MAGI1: variants seen among roughly 807,000 people sequenced by gnomAD.
MAGI1 encodes membrane associated guanylate kinase, WW and PDZ domain containing 1, also known as membrane-associated guanylate kinase, WW and PDZ domain-containing protein 1.
In MAGI1, 58 loss-of-function variants were observed where a neutral mutation model predicts 139.9. The ratio of observed to expected loss-of-function variants is 0.41; its 90% CI spans 0.34 to 0.52. MAGI1 has a LOEUF of 0.52. MAGI1 is among the 20% of genes least tolerant of loss of function. The pLI is 0.12. For synonymous variants in MAGI1, 812 were observed against 737.9 expected (o/e 1.10, Z -1.63); for missense variants, 1,874 against 1,901.6 (o/e 0.99, Z 0.27).
At chr3:65,857,188 G>T (rs1305308601) in intron 1 of MAGI1, among the ~76,000 whole-genome samples, 1 of 148,272 alleles carries the variant, frequency 6.7e-6, no homozygotes, top group Non-Finnish European at 1.5e-5. Flanking sequence ...ATTTAGAACA[G>T]GAAACAGAGC....
At chr3:65,648,253 T>C (rs1287371186) in intron 1 of MAGI1, among the ~76,000 whole-genome samples, 1 of 151,572 alleles carries the variant, frequency 6.6e-6, no homozygotes, top group Non-Finnish European at 1.5e-5. Context: ...CAAGCAATCC[T>C]CCCACCTCAG....
chr3:65,539,111 ATACCAACTACCGTCAAACAGACACATG>A (rs1482956681), intron 2 of MAGI1, among the ~76,000 whole-genome samples: 3 of 152,098 alleles, frequency 2.0e-5, no homozygotes, highest in Non-Finnish European at 2.9e-5. Context: ...ACAGAAACAC[ATACCAACTACCGTCAAACAGACACATG>A]TACCAACTAC....
intron 14 of MAGI1, among the ~76,000 whole-genome samples, chr3:65,385,388 G>A (rs1943366717): frequency 6.6e-6 from 1 of 152,124 alleles, no homozygotes; most frequent in Admixed American, 6.5e-5. Context: ...TCCTAAAGGA[G>A]ATTTTCAAAT....
intron 12 of MAGI1, among the ~76,000 whole-genome samples, chr3:65,416,898 A>G (rs991589924): frequency 1.3e-5 from 2 of 152,238 alleles, no homozygotes; most frequent in Admixed American, 1.3e-4. Flanking sequence ...CAGGTAAGGT[A>G]GAAGTTTTAA....
intron 2 of MAGI1, 49 bp downstream of exon 2, chr3:65,621,917 TCACACA>T (rs56026417): frequency 8.1e-6 from 8 of 986,648 alleles, no homozygotes; most frequent in African/African-American, 1.6e-5. Context: ...CCTGGACTTT[TCACACA>T]CACACACACA....
At chr3:65,539,631 G>A (rs530535599) in intron 2 of MAGI1, among the ~76,000 whole-genome samples, 36 of 152,252 alleles carry the variant, frequency 2.4e-4, no homozygotes, top group African/African-American at 8.2e-4. Flanking sequence ...TCAAAAGCCT[G>A]GCCAGGCTTT....
chr3:65,870,797 T>C (rs965008391), intron 1 of MAGI1, among the ~76,000 whole-genome samples: 1 of 151,614 alleles, frequency 6.6e-6, no homozygotes, highest in Admixed American at 6.6e-5. Flanking sequence ...TGAAAAGATA[T>C]TCAGGCCGGG....
At chr3:65,418,586 A>C (rs1303450028) in intron 12 of MAGI1, among the ~76,000 whole-genome samples, 1 of 152,146 alleles carries the variant, frequency 6.6e-6, no homozygotes, top group Non-Finnish European at 1.5e-5. Flanking sequence ...TCACTCCTGC[A>C]AAGAGGGAGT....
At chr3:65,556,962 C>T (rs1337162490) in intron 2 of MAGI1, among the ~76,000 whole-genome samples, 1 of 152,164 alleles carries the variant, frequency 6.6e-6, no homozygotes, top group Non-Finnish European at 1.5e-5. Flanking sequence ...CATGCTCTGA[C>T]CACCTGGGAA....
intron 1 of MAGI1, among the ~76,000 whole-genome samples, chr3:65,654,286 C>A (rs942021711): frequency 6.6e-6 from 1 of 152,156 alleles, no homozygotes; most frequent in African/African-American, 2.4e-5. Context: ...GATGCTTTCA[C>A]ACGTCATCCC....
intron 15 of MAGI1, 144 bp from the exon 16 acceptor site, chr3:65,382,213 G>GTCTTGTAC: frequency 1.6e-6 from 1 of 635,970 alleles, no homozygotes; most frequent in South Asian, 2.2e-5. Context: ...CTGTGTACAA[G>GTCTTGTAC]ACATTGTGCT....
At chr3:65,507,625 G>A (rs991524197) in intron 2 of MAGI1, among the ~76,000 whole-genome samples, 32 of 152,152 alleles carry the variant, frequency 2.1e-4, no homozygotes, top group African/African-American at 6.5e-4. Context: ...GTTTGCCAAC[G>A]ATCTCTATAA....
intron 1 of MAGI1, among the ~76,000 whole-genome samples, chr3:65,829,424 T>C (rs915534867): frequency 6.6e-6 from 1 of 152,156 alleles, no homozygotes; most frequent in Non-Finnish European, 1.5e-5. Context: ...CTCACGAATA[T>C]GATTAGTGCT....
At chr3:65,706,369 A>C (rs1448032001) in intron 1 of MAGI1, among the ~76,000 whole-genome samples, 1 of 152,242 alleles carries the variant, frequency 6.6e-6, no homozygotes, top group African/African-American at 2.4e-5. Flanking sequence ...TTTAGCAACT[A>C]TTCCAGAAAG....
At chr3:65,623,519 C>T (rs2083800662) in intron 1 of MAGI1, among the ~76,000 whole-genome samples, 1 of 152,140 alleles carries the variant, frequency 6.6e-6, no homozygotes. Flanking sequence ...AATAACTAGG[C>T]TGAGACTGTC....
chr3:65,439,885 TCTGCTGCTG>T lies in MAGI1; in HGVS notation c.1255_1263del (p.Gln419_Gln421del), dbSNP rs142043619. 224 of 1,584,780 alleles carry T rather than the reference TCTGCTGCTG, an allele frequency of 1.4e-4. No individual in the cohort carries two copies. The highest frequency in any genetic ancestry group is 1.2e-3 in the Admixed American group (68 of 58,966). On this transcript the variant is annotated inframe_deletion, in exon 9 of 23. Transcript: ENST00000402939. ...CTAGAGGAAAGAGGCCAACCTTCTG[TCTGCTGCTG>T]CTGCTGCTGCTGCTGCTGCTGTTGC... is the stretch of plus-strand genomic sequence containing the variant.
chr3:65,435,468 GTGGATGGA>G (rs10681942), intron 10 of MAGI1, among the ~76,000 whole-genome samples: 57 of 149,658 alleles, frequency 3.8e-4, no homozygotes, highest in African/African-American at 1.0e-3. Context: ...ATATGTATAT[GTGGATGGA>G]TGGATGGATG....
At chr3:65,776,697 C>T (rs1296400024) in intron 1 of MAGI1, among the ~76,000 whole-genome samples, 1 of 152,114 alleles carries the variant, frequency 6.6e-6, no homozygotes, top group African/African-American at 2.4e-5. Context: ...CGGTACTCCC[C>T]CCGCAACACA....
intron 1 of MAGI1, among the ~76,000 whole-genome samples, chr3:66,023,605 T>C (rs548887377): frequency 1.3e-5 from 2 of 152,122 alleles, no homozygotes; most frequent in Admixed American, 1.3e-4. Flanking sequence ...GTCTTAGAGG[T>C]TAATCATGTT....
Sources: gnomAD v4.1 joint callset for allele counts (sites outside exome capture counted in the v4.1 genomes callset) on GRCh38, gnomAD v4.1.1 for gene constraint, MANE v1.5 for transcripts, NCBI Gene and HGNC (gene_info 2026-07-23, HGNC 2026-07-21) for gene names.